Variants in FSHR observed in about 807,000 individuals in gnomAD.
The protein encoded by FSHR is follicle stimulating hormone receptor, also known as follicle-stimulating hormone receptor.
FSHR carries 46 observed loss-of-function variants against 52.1 expected under a neutral mutation model. The observed-to-expected ratio is 0.88, with a 90% CI of 0.70 to 1.13. The LOEUF (loss-of-function observed/expected upper bound fraction) is 1.13. Among genes scored for constraint, FSHR ranks in the 50% most tolerant of loss-of-function variants. The pLI is 0.00. For synonymous variants in FSHR, 399 were observed against 309.6 expected, an observed-to-expected ratio of 1.29 and a Z score of -3.03; for missense variants, 964 against 834.6, an observed-to-expected ratio of 1.16 and a Z score of -1.91.
intron 1 of FSHR, among the ~76,000 whole-genome samples, chr2:49,110,288 C>T (rs941165042): frequency 1.6e-4 from 25 of 152,034 alleles, no homozygotes; most frequent in Non-Finnish European, 3.5e-4. Context: ...AAACTGAGGC[C>T]CATAGCAGAT....
intron 2 of FSHR, among the ~76,000 whole-genome samples, chr2:49,057,157 A>G (rs1299208544): frequency 6.6e-6 from 1 of 152,138 alleles, no homozygotes; most frequent in East Asian, 1.9e-4. Context: ...AGACAAAAAT[A>G]ATAAATATCA....
chr2:49,014,396 C>G (rs926149048), intron 4 of FSHR, among the ~76,000 whole-genome samples: 3 of 152,202 alleles, frequency 2.0e-5, no homozygotes, highest in African/African-American at 7.2e-5. Flanking sequence ...CAGAAAGACA[C>G]AAAGAGGAGG....
intron 2 of FSHR, among the ~76,000 whole-genome samples, chr2:49,049,851 A>ATATATATATATATAT (rs1668791622): frequency 2.8e-5 from 4 of 143,720 alleles, no homozygotes; most frequent in African/African-American, 1.0e-4. Flanking sequence ...ATATATATAT[A>ATATATATATATATAT]ATAAAAACCA....
intron 1 of FSHR, among the ~76,000 whole-genome samples, chr2:49,092,997 C>G (rs766616990): frequency 3.3e-5 from 5 of 152,166 alleles, no homozygotes; most frequent in Non-Finnish European, 5.9e-5. Context: ...GTCTTGCATT[C>G]TTGGAATAAA....
chr2:49,045,204 G>C (rs1431344800), intron 2 of FSHR, among the ~76,000 whole-genome samples: 1 of 152,088 alleles, frequency 6.6e-6, no homozygotes, highest in Non-Finnish European at 1.5e-5. Flanking sequence ...TGAAGCAGAG[G>C]CTGTGTGCCA....
At chr2:49,007,594 C>G (rs1342847520) in intron 4 of FSHR, among the ~76,000 whole-genome samples, 3 of 152,008 alleles carry the variant, frequency 2.0e-5, no homozygotes, top group African/African-American at 7.2e-5. Context: ...GTCAGGGGTT[C>G]TGTAAGAAGG....
At chr2:49,078,553 G>A (rs1294551041) in intron 1 of FSHR, among the ~76,000 whole-genome samples, 2 of 152,136 alleles carry the variant, frequency 1.3e-5, no homozygotes, top group Non-Finnish European at 2.9e-5. Context: ...CAGCTTGAAT[G>A]TGTCACAGAA....
Position 49,013,489 on chromosome 2 carries a change from T to A in FSHR, c.374+4000A>T, listed in dbSNP as rs191446440. Among the ~76,000 whole-genome samples the A allele has an allele frequency of 6.3e-4, 46 of 73,042 alleles. No homozygotes were observed. The East Asian group carries it at 9.1e-3, about 15-fold the overall frequency. 47.9% of individuals were successfully genotyped at this position (73,042 alleles called of 152,430 possible). A position where few individuals can be genotyped will look rare whatever the true frequency, so the allele number is the denominator to read the frequency against. On this transcript the variant is annotated intron_variant, in intron 4 of 9. Transcript: ENST00000406846. ...ATATATATATATATATAAATAAATA[T>A]ATATATATATAAATATATATATATA...
At chr2:49,048,822 G>A (rs745728659) in intron 2 of FSHR, among the ~76,000 whole-genome samples, 3 of 152,100 alleles carry the variant, frequency 2.0e-5, no homozygotes, top group Non-Finnish European at 2.9e-5. Context: ...GTGAATCTGA[G>A]CACTGCAGGG....
chr2:48,983,881 G>C (rs1189825007), intron 6 of FSHR, among the ~76,000 whole-genome samples: 1 of 152,084 alleles, frequency 6.6e-6, no homozygotes, highest in Non-Finnish European at 1.5e-5. Context: ...CGCTAAGAAG[G>C]TCAGTGAGCA....
chr2:49,013,688 C>A (rs1667376200), intron 4 of FSHR, among the ~76,000 whole-genome samples: 1 of 151,506 alleles, frequency 6.6e-6, no homozygotes. Context: ...CTCTTGGTCT[C>A]AACTCCCTAA....
intron 8 of FSHR, among the ~76,000 whole-genome samples, chr2:48,969,166 G>A (rs1249958386): frequency 6.6e-6 from 1 of 152,156 alleles, no homozygotes; most frequent in Non-Finnish European, 1.5e-5. Context: ...CCTAAGTGTT[G>A]CTGGTGAGTA....
rs572137351 is a variant in FSHR at position 49,123,364 on chromosome 2, G to C, written c.152+30902C>G. Among the ~76,000 whole-genome samples, 32 of 152,204 alleles carry C rather than the reference G, an allele frequency of 2.1e-4. No individual in the cohort carries two copies. In the East Asian group the frequency reaches 6.0e-3, roughly 29 times the overall value. On this transcript the variant is annotated intron_variant, in intron 1 of 9. Coordinates refer to ENST00000406846, the MANE Select transcript of FSHR (RefSeq NM_000145.4). ...TAGCCAGGCACGGTGGCTCACGCTG[G>C]TAGTACCAGCTACTAGGGAGGCTGA...
chr2:49,015,567 A>G (rs1667457302), intron 4 of FSHR, among the ~76,000 whole-genome samples: 1 of 152,202 alleles, frequency 6.6e-6, no homozygotes, highest in Non-Finnish European at 1.5e-5. Context: ...TGATGGAGTC[A>G]GGATGAAGAC....
chr2:48,977,734 C>A (rs1400256586), intron 8 of FSHR, among the ~76,000 whole-genome samples: 1 of 152,152 alleles, frequency 6.6e-6, no homozygotes, highest in Admixed American at 6.5e-5. Context: ...ATATTTCTTA[C>A]CCCTTGCCAG....
At chr2:49,106,486 A>G (rs1010513016) in intron 1 of FSHR, among the ~76,000 whole-genome samples, 1 of 152,170 alleles carries the variant, frequency 6.6e-6, no homozygotes, top group Non-Finnish European at 1.5e-5. Flanking sequence ...TTGGCTGGAG[A>G]TGGTTCCTGC....
At chr2:49,024,248 A>G (rs1490274668) in intron 2 of FSHR, among the ~76,000 whole-genome samples, 1 of 152,052 alleles carries the variant, frequency 6.6e-6, no homozygotes. Context: ...CGTTCTGCAC[A>G]TCATGTATCC....
chr2:49,131,186 C>A (rs1001077760), intron 1 of FSHR, among the ~76,000 whole-genome samples: 4 of 152,130 alleles, frequency 2.6e-5, no homozygotes, highest in African/African-American at 9.7e-5. Context: ...ATTATTTATA[C>A]TCAGTCCTTT....
At chr2:49,104,285 T>A (rs1245966368) in intron 1 of FSHR, among the ~76,000 whole-genome samples, 1 of 152,158 alleles carries the variant, frequency 6.6e-6, no homozygotes, top group Non-Finnish European at 1.5e-5. Context: ...GGTCAGCCAT[T>A]GCCACTTCCT....
Sources: allele counts gnomAD v4.1 joint callset (sites outside exome capture counted in the v4.1 genomes callset), GRCh38; gene constraint gnomAD v4.1.1; transcripts MANE v1.5; gene names NCBI Gene and HGNC (gene_info 2026-07-23, HGNC 2026-07-21).